The following APC variants were observed in gnomAD, a reference collection of about 807,000 sequenced individuals.
APC encodes adenomatous polyposis coli protein.
In APC, 72 loss-of-function variants were observed where a neutral mutation model predicts 247.0. The ratio of observed to expected loss-of-function variants is 0.29; its 90% CI spans 0.24 to 0.35. The LOEUF (loss-of-function observed/expected upper bound fraction) is 0.35, where lower values mean the gene tolerates loss of function less well. Among genes scored for constraint, APC ranks in the 10% least tolerant of loss-of-function variants. The probability of loss-of-function intolerance (pLI) is 1.00; values close to 1 mark genes in which losing one functional copy is unlikely to be tolerated. For synonymous variants in APC, 1,254 were observed against 1,162.5 expected, an observed-to-expected ratio of 1.08 and a Z score of -1.60; for missense variants, 3,400 against 3,360.7, an observed-to-expected ratio of 1.01 and a Z score of -0.29.
intron 6 of APC, chr5:112,783,826 C>G (rs79285786): frequency 2.8e-4 from 96 of 337,422 alleles, no homozygotes; most frequent in African/African-American, 2.0e-3. Context: ...AAACAGATAA[C>G]CAAATAGCAA....
rs150029348 is a variant in APC at position 112,842,818 on chromosome 5, T to C, written c.7224T>C (p.Asn2408=). ...SKGLNQMNNG[N]GANKKVELSR... ...GACTAAATCAGATGAATAATGGTAA[T>C]GGAGCCAATAAAAAGGTAGAACTTT... The change falls in exon 16 of 16, where the codon AAT becomes AAC. Residue 2408 remains asparagine, a synonymous_variant. Coordinates refer to ENST00000257430, the MANE Select transcript of APC (RefSeq NM_000038.6). 6.2e-7 allele frequency: 1 copy of C among 1,613,482 alleles called. No individual in the cohort carries two copies. Among genetic ancestry groups the C allele is most frequent in the Non-Finnish European group, 8.5e-7 (1 of 1,179,630 alleles).
At chr5:112,734,326 G>A (rs185038037), upstream of APC, among the ~76,000 whole-genome samples, 13 of 152,204 alleles carry the variant, frequency 8.5e-5, no homozygotes, top group East Asian at 3.9e-4. Context: ...ATTTCACCTC[G>A]TTCTCGTATC....
intron 14 of APC, among the ~76,000 whole-genome samples, chr5:112,831,747 C>T (rs1443823976): frequency 1.3e-5 from 2 of 152,176 alleles, no homozygotes; most frequent in Non-Finnish European, 2.9e-5. Context: ...ATATTCTCTA[C>T]TGGATCCTTC....
At chr5:112,789,852 A>G (rs1759375461) in intron 6 of APC, among the ~76,000 whole-genome samples, 1 of 148,936 alleles carries the variant, frequency 6.7e-6, no homozygotes, top group South Asian at 2.2e-4. Context: ...TGTTACTTAA[A>G]GAATATTTTT....
At chr5:112,744,263 C>A (rs1490183812) in intron 1 of APC, among the ~76,000 whole-genome samples, 1 of 152,180 alleles carries the variant, frequency 6.6e-6, no homozygotes, top group Non-Finnish European at 1.5e-5. Flanking sequence ...TATTGTCTTA[C>A]TTTTTTTATG....
chr5:112,714,683 ATTTAT>A (rs890179110), intron 1 of APC, among the ~76,000 whole-genome samples: 1 of 152,198 alleles, frequency 6.6e-6, no homozygotes, highest in African/African-American at 2.4e-5. Flanking sequence ...TTTTACAAGT[ATTTAT>A]TTAGTATCAC....
intron 3 of APC, among the ~76,000 whole-genome samples, chr5:112,766,904 A>G (rs957855923): frequency 6.6e-6 from 1 of 152,254 alleles, no homozygotes; most frequent in African/African-American, 2.4e-5. Context: ...AGTGCTTGAT[A>G]ATAATTGAAG....
In APC at chr5:112,811,680, T is replaced by C. The variant is rs560998365; in HGVS notation, c.835-3815T>C. 8.4e-4 allele frequency among the ~76,000 whole-genome samples: 128 copies of C among 152,366 alleles called. 1 individual carries two copies. Among genetic ancestry groups the C allele is most frequent in the South Asian group, 1.9e-3 (9 of 4,830 alleles). ...TGAAATGAATGTCAGAAACATGTTTTATTGTGGAAACAGGTTTTCCCTTGT... is the reference window on the plus strand; with the variant it reads ...TGAAATGAATGTCAGAAACATGTTTCATTGTGGAAACAGGTTTTCCCTTGT... On this transcript the variant is annotated intron_variant, in intron 8 of 15. Transcript: ENST00000257430.
At chr5:112,710,240 A>G (rs1750773332) in intron 1 of APC, among the ~76,000 whole-genome samples, 1 of 152,166 alleles carries the variant, frequency 6.6e-6, no homozygotes, top group African/African-American at 2.4e-5. Context: ...TTTTTATGCC[A>G]GTTGGTGCTC....
intron 5 of APC, among the ~76,000 whole-genome samples, chr5:112,779,143 C>T (rs1019177340): frequency 6.6e-6 from 1 of 152,070 alleles, no homozygotes; most frequent in Admixed American, 6.6e-5. Flanking sequence ...TAACAGTGCT[C>T]CTGGGAATTA....
intron 11 of APC, among the ~76,000 whole-genome samples, chr5:112,824,562 A>G (rs954483176): frequency 2.0e-5 from 3 of 152,144 alleles, no homozygotes; most frequent in Non-Finnish European, 2.9e-5. Flanking sequence ...TTTTCCATAC[A>G]AGAGTACTCA....
intron 1 of APC, among the ~76,000 whole-genome samples, chr5:112,724,333 A>G (rs79155541): frequency 0.051 from 7,776 of 152,202 alleles, 376 homozygotes; most frequent in East Asian, 0.13. Context: ...CTTTGGGAGC[A>G]TGGAGAAAAA....
intron 9 of APC, among the ~76,000 whole-genome samples, chr5:112,817,276 G>A (rs1276147748): frequency 6.6e-6 from 1 of 152,118 alleles, no homozygotes; most frequent in African/African-American, 2.4e-5. Context: ...AGCATACTCT[G>A]TATACTCTTT....
chr5:112,815,335 G>T (rs1359204631), intron 8 of APC, among the ~76,000 whole-genome samples, 160 bp from the exon 9 acceptor site: 2 of 152,108 alleles, frequency 1.3e-5, no homozygotes, highest in East Asian at 3.8e-4. Flanking sequence ...CTTAGTAAGC[G>T]TATAGGTAAA....
At chr5:112,745,706 T>G (rs1347033803) in intron 1 of APC, among the ~76,000 whole-genome samples, 1 of 151,898 alleles carries the variant, frequency 6.6e-6, no homozygotes, top group Non-Finnish European at 1.5e-5. Flanking sequence ...TAGCTGGGAC[T>G]ACAGGCGGGT....
At chr5:112,818,068 C>T in intron 9 of APC, among the ~76,000 whole-genome samples, 1 of 152,178 alleles carries the variant, frequency 6.6e-6, no homozygotes, top group Admixed American at 6.5e-5. Context: ...ACTAGATTCC[C>T]CTAAAATACC....
chr5:112,813,762 A>G (rs1202996219), intron 8 of APC, among the ~76,000 whole-genome samples: 2 of 151,726 alleles, frequency 1.3e-5, no homozygotes, highest in Non-Finnish European at 2.9e-5. Context: ...TAAAAAAAAA[A>G]AAAGAAAAAA....
intron 6 of APC, among the ~76,000 whole-genome samples, chr5:112,792,118 C>T (rs1241992809): frequency 3.9e-5 from 6 of 151,958 alleles, no homozygotes; most frequent in Non-Finnish European, 5.9e-5. Context: ...TGGTGGTGCG[C>T]GCCTGTAGTC....
At chr5:112,789,688 T>A (rs1759355674) in intron 6 of APC, among the ~76,000 whole-genome samples, 1 of 152,124 alleles carries the variant, frequency 6.6e-6, no homozygotes, top group African/African-American at 2.4e-5. Flanking sequence ...ATCCAGTAAT[T>A]TTATGTAGCT....
Sources: allele counts gnomAD v4.1 joint callset (sites outside exome capture counted in the v4.1 genomes callset), GRCh38; gene constraint gnomAD v4.1.1; transcripts MANE v1.5; gene names NCBI Gene and HGNC (gene_info 2026-07-23, HGNC 2026-07-21).